DKK4: variants seen among roughly 807,000 people sequenced by gnomAD.
The protein encoded by DKK4 is dickkopf Wnt signaling pathway inhibitor 4.
A neutral mutation model predicts 14.5 loss-of-function variants in DKK4; 15 were observed. The observed-to-expected ratio is 1.03, with a 90% CI of 0.69 to 1.59. The LOEUF (loss-of-function observed/expected upper bound fraction) is 1.59. DKK4 is among the 40% of genes most tolerant of loss of function. The pLI, the probability that DKK4 is intolerant of heterozygous loss-of-function variation, is 0.00. For synonymous variants in DKK4, 89 were observed against 105.2 expected (o/e 0.85, Z 0.94); for missense variants, 272 against 280.3 (o/e 0.97, Z 0.21).
rs1824500771 is a variant in DKK4, at chr8:42,374,103, T to C, written c.672A>G (p.Leu224=). ...ATTCTTCTTTATTTTGAAATATTTA[T>C]AGCTTTTCTATTTTTTGGCATACTC... ...RLRVCQKIEK[L] is the part of the protein sequence containing the mutation. Residue 224 remains leucine, a synonymous_variant, in exon 4 of 4, where the codon CTA becomes CTG. Coordinates refer to ENST00000220812, the MANE Select transcript of DKK4 (RefSeq NM_014420.3). 2 of 1,610,548 alleles carry C rather than the reference T, an allele frequency of 1.2e-6. No individual in the cohort carries two copies. The highest frequency in any genetic ancestry group is 1.7e-6 in the Non-Finnish European group (2 of 1,179,564).
the DKK4 span, among the ~76,000 whole-genome samples, chr8:42,384,709 G>A: frequency 2.6e-5 from 4 of 152,116 alleles, no homozygotes; most frequent in South Asian, 2.1e-4. Flanking sequence ...ACCGAGACTC[G>A]GAGGGACCAC....
At position 42,374,100 on chromosome 8, in the gene DKK4, T is replaced by G; in HGVS notation, c.675A>C (p.Ter225TyrextTer?). 3 of 1,610,418 alleles carry G rather than the reference T, an allele frequency of 1.9e-6. No individual in the cohort carries two copies. The highest frequency in any genetic ancestry group is 2.5e-6 in the Non-Finnish European group (3 of 1,179,538). Reference sequence around the variant, plus strand: ...TGGATTCTTCTTTATTTTGAAATATTTATAGCTTTTCTATTTTTTGGCATA... The same window carrying G: ...TGGATTCTTCTTTATTTTGAAATATGTATAGCTTTTCTATTTTTTGGCATA... ...LRVCQKIEKL* is the reference protein window; with the variant it reads ...LRVCQKIEKLY The change falls in exon 4 of 4, where the codon TAA (stop) becomes TAC (tyrosine). Residue 225 changes from the stop codon to tyrosine, a stop_lost. Transcript: ENST00000220812.
At chr8:42,387,344 CTTTTTTTTTTT>C in the DKK4 span, among the ~76,000 whole-genome samples, 12 of 44,906 alleles carry the variant, frequency 2.7e-4, no homozygotes, top group Admixed American at 8.9e-4. Context: ...GAAGGCCAGT[CTTTTTTTTTTT>C]TTTTTTTTTT....
the DKK4 span, among the ~76,000 whole-genome samples, chr8:42,384,269 G>A: frequency 2.6e-5 from 4 of 152,110 alleles, no homozygotes; most frequent in Non-Finnish European, 5.9e-5. Context: ...TCAGCTCCCC[G>A]AGTAGCTGGG....
chr8:42,386,460 G>A, the DKK4 span, among the ~76,000 whole-genome samples: 17 of 151,828 alleles, frequency 1.1e-4, no homozygotes, highest in Middle Eastern at 3.2e-3. Context: ...TTTAATGTCC[G>A]CTAGATGTTG....
At chr8:42,388,252 G>A in the DKK4 span, among the ~76,000 whole-genome samples, 3 of 151,962 alleles carry the variant, frequency 2.0e-5, no homozygotes, top group African/African-American at 7.3e-5. Context: ...TTATTTGAGA[G>A]GGAGTTTCAC....
chr8:42,389,755 T>TATC, the DKK4 span, among the ~76,000 whole-genome samples: 1 of 152,248 alleles, frequency 6.6e-6, no homozygotes, highest in Non-Finnish European at 1.5e-5. Context: ...GTTAACATTT[T>TATC]ATCATATTTG....
chr8:42,377,709 G>GC (rs1372219972), upstream of DKK4, among the ~76,000 whole-genome samples: 2 of 152,114 alleles, frequency 1.3e-5, no homozygotes, highest in African/African-American at 4.8e-5. Flanking sequence ...AAGAGAAAAC[G>GC]CCCCCTGATT....
upstream of DKK4, among the ~76,000 whole-genome samples, chr8:42,379,526 T>C (rs2130876189): frequency 6.6e-6 from 1 of 150,696 alleles, no homozygotes; most frequent in South Asian, 2.1e-4. Context: ...ATGGATGATT[T>C]CAATGTATTA....
At position 42,374,167 on chromosome 8, in the gene DKK4, C is replaced by T. The variant is rs772507402; in HGVS notation, c.608G>A (p.Arg203Gln). The change falls in exon 4 of 4, where the codon CGA (arginine) becomes CAA (glutamine). Residue 203 changes from arginine to glutamine, a missense_variant. Arg to Gln is a conservative substitution (Grantham distance 43). Transcript: ENST00000220812. ...CTGCCGATTGCTGGTCAATTGGCTTCGACACAGTAGTCCAGGGCCACAGTC... is the reference window on the plus strand; with the variant it reads ...CTGCCGATTGCTGGTCAATTGGCTTTGACACAGTAGTCCAGGGCCACAGTC... ...RCDCGPGLLC[R>Q]SQLTSNRQHA... 18 of 1,613,350 alleles carry T rather than the reference C, an allele frequency of 1.1e-5. No homozygotes were observed. Among genetic ancestry groups the T allele is most frequent in the African/African-American group, 8.0e-5 (6 of 74,888 alleles).
At chr8:42,389,249 C>T in the DKK4 span, among the ~76,000 whole-genome samples, 2 of 152,182 alleles carry the variant, frequency 1.3e-5, no homozygotes, top group East Asian at 3.9e-4. Flanking sequence ...GGCCTGGATA[C>T]ATTATTTGAT....
chr8:42,375,030 A>G, intron 2 of DKK4, 117 bp from the exon 3 acceptor site: 1 of 1,013,232 alleles, frequency 9.9e-7, no homozygotes, highest in Non-Finnish European at 1.4e-6. Context: ...TTTATATATA[A>G]CTTTCTAGAT....
At chr8:42,385,138 T>C in the DKK4 span, among the ~76,000 whole-genome samples, 1 of 152,236 alleles carries the variant, frequency 6.6e-6, no homozygotes, top group Non-Finnish European at 1.5e-5. Flanking sequence ...GGCACTCTAA[T>C]TCCAGCACTT....
At chr8:42,375,909 C>T (rs1327812718) in intron 1 of DKK4, 79 bp from the exon 2 acceptor site, 53 of 1,534,550 alleles carry the variant, frequency 3.5e-5, no homozygotes, top group East Asian at 1.9e-4. Flanking sequence ...AGGCAGGAGG[C>T]GGAGGGAGCC....
At chr8:42,380,855 GGAA>G (rs1419702486), upstream of DKK4, among the ~76,000 whole-genome samples, 3 of 147,404 alleles carry the variant, frequency 2.0e-5, no homozygotes, top group African/African-American at 7.6e-5. Flanking sequence ...AATGAAAAAA[GGAA>G]GGAGAGAGAA....
At chr8:42,377,993 CT>C (rs772878543), upstream of DKK4, among the ~76,000 whole-genome samples, 6 of 152,216 alleles carry the variant, frequency 3.9e-5, no homozygotes, top group Admixed American at 3.3e-4. Flanking sequence ...GTAAAACTCA[CT>C]TAAGCAGAAC....
Position 42,374,115 on chromosome 8 carries a change from T to C in DKK4, c.660A>G (p.Lys220=), listed in dbSNP as rs1457213941. 1.2e-6 allele frequency: 2 copies of C among 1,611,754 alleles called. No homozygotes were observed. Among genetic ancestry groups the C allele is most frequent in the South Asian group, 2.2e-5 (2 of 90,766 alleles). The change falls in exon 4 of 4, where the codon AAA becomes AAG. Residue 220 remains lysine (K), a synonymous_variant. Coordinates refer to ENST00000220812, the MANE Select transcript of DKK4 (RefSeq NM_014420.3). ...RQHARLRVCQ[K]IEKL is the part of the protein sequence containing the mutation. ...TTTGAAATATTTATAGCTTTTCTATTTTTTGGCATACTCTTAATCGAGCAT... is the reference window on the plus strand; with the variant it reads ...TTTGAAATATTTATAGCTTTTCTATCTTTTGGCATACTCTTAATCGAGCAT...
Position 42,374,758 on chromosome 8 carries a change from T to TA in DKK4, c.415+2dup. 9 of 1,614,216 alleles carry TA rather than the reference T, an allele frequency of 5.6e-6. No homozygotes were observed. Among genetic ancestry groups the TA allele is most frequent in the Non-Finnish European group, 7.6e-6 (9 of 1,180,038 alleles). On this transcript the variant is annotated splice_region_variant and intron_variant, in intron 3 of 3. Coordinates refer to ENST00000220812, the MANE Select transcript of DKK4 (RefSeq NM_014420.3). ...TAAAATATGCTGCGAATGCTGTTCT[T>TA]ACCCTTCCTGCCTTGTGATTTCTTA...
the DKK4 span, among the ~76,000 whole-genome samples, chr8:42,383,464 T>C: frequency 2.6e-5 from 4 of 152,368 alleles, no homozygotes; most frequent in East Asian, 5.8e-4. Context: ...CTTTGGACCA[T>C]GTTCCATGCA....
Sources: allele counts gnomAD v4.1 joint callset (sites outside exome capture counted in the v4.1 genomes callset), GRCh38; gene constraint gnomAD v4.1.1; transcripts MANE v1.5; gene names NCBI Gene and HGNC (gene_info 2026-07-23, HGNC 2026-07-21).